Variants in TPO observed in about 807,000 individuals in gnomAD.
TPO encodes thyroid peroxidase.
Under a neutral mutation model 96.9 loss-of-function variants are expected in TPO, and 78 were observed. The ratio of observed to expected loss-of-function variants is 0.81; its 90% CI spans 0.67 to 0.97. The LOEUF (loss-of-function observed/expected upper bound fraction) is 0.97, where lower values mean the gene tolerates loss of function less well. Ranked by LOEUF, TPO falls within the 50% of genes least tolerant of loss-of-function variation. The pLI, the probability that TPO is intolerant of heterozygous loss-of-function variation, is 0.00. For missense variants in TPO, 1,252 were observed against 1,274.8 expected, an observed-to-expected ratio of 0.98 and a Z score of 0.27; for synonymous variants, 547 against 538.0, an observed-to-expected ratio of 1.02 and a Z score of -0.23.
In TPO at chr2:1,468,228, A is replaced by G. The variant is rs182644292; in HGVS notation, c.820-8858A>G. Among the ~76,000 whole-genome samples the G allele has an allele frequency of 1.4e-3, 208 of 151,816 alleles. 1 individual carries two copies. Among genetic ancestry groups the G allele is most frequent in the African/African-American group, 5.0e-3 (206 of 41,410 alleles). On this transcript the variant is annotated intron_variant, in intron 7 of 16. Coordinates refer to ENST00000329066, the MANE Select transcript of TPO (RefSeq NM_001206744.2). ...GAGGTATCATTCCATTCATTGTGCT[A>G]TTTGTTGCCTGTACCCCTTGGGTTT...
chr2:1,383,934 A>G (rs932962865), intron 1 of TPO, among the ~76,000 whole-genome samples: 1 of 152,284 alleles, frequency 6.6e-6, no homozygotes, highest in East Asian at 1.9e-4. Context: ...CTTTCTACAT[A>G]TGGCTAGCCA....
rs573067343 is a variant in TPO at position 1,486,962 on chromosome 2, C to T, written c.1598-859C>T. ...TCATCCCACACAGGACGATGCATGT[C>T]GTGATTTCTAAGTCTTCCTTTTGGG... On this transcript the variant is annotated intron_variant, in intron 9 of 16. Transcript: ENST00000329066. Among the ~76,000 whole-genome samples, 19 of 152,342 alleles carry T rather than the reference C, an allele frequency of 1.2e-4. No homozygotes were observed. In the South Asian group the frequency reaches 2.1e-3, roughly 17 times the overall value.
intron 1 of TPO, among the ~76,000 whole-genome samples, chr2:1,395,635 A>G (rs1226922061): frequency 6.6e-6 from 1 of 152,148 alleles, no homozygotes. Flanking sequence ...CCCACATTTC[A>G]TCTTGAATTG....
intron 15 of TPO, among the ~76,000 whole-genome samples, chr2:1,536,598 G>C (rs868537858): frequency 3.1e-4 from 13 of 41,528 alleles, no homozygotes; most frequent in African/African-American, 1.5e-3. Flanking sequence ...CCCACTGTGT[G>C]CATTCTCCTC....
intron 10 of TPO, among the ~76,000 whole-genome samples, chr2:1,489,245 T>TAGCACATACCC (rs1323168488): frequency 2.0e-4 from 24 of 119,202 alleles, no homozygotes; most frequent in Admixed American, 3.4e-4. Flanking sequence ...AGCACATGCC[T>TAGCACATACCC]AGCACATACC....
intron 5 of TPO, among the ~76,000 whole-genome samples, chr2:1,448,409 G>A (rs550142276): frequency 9.2e-5 from 14 of 152,208 alleles, no homozygotes; most frequent in African/African-American, 2.6e-4. Flanking sequence ...TCCCTTCCCC[G>A]CCTGAGTCAC....
At chr2:1,422,068 A>C (rs1663608484) in intron 2 of TPO, among the ~76,000 whole-genome samples, 2 of 152,036 alleles carry the variant, frequency 1.3e-5, no homozygotes, top group African/African-American at 4.8e-5. Context: ...CTGAGGGGTC[A>C]CCCTCTGCCC....
intron 1 of TPO, among the ~76,000 whole-genome samples, chr2:1,389,513 A>T (rs2148355678): frequency 6.6e-6 from 1 of 152,168 alleles, no homozygotes; most frequent in East Asian, 1.9e-4. Flanking sequence ...TACTTTCCTC[A>T]TCAGATTGTT....
rs1272834232 is a variant in TPO at position 1,512,532 on chromosome 2, C to T, written c.2519-4351C>T. ...TGCTTGCATGGTGCTGTCCCTGCCC[C>T]GCTCCGCCCCTGCTGGGCTCCTGGC... On this transcript the variant is annotated intron_variant, in intron 14 of 16. Coordinates refer to ENST00000329066, the MANE Select transcript of TPO (RefSeq NM_001206744.2). 21 of 951,742 alleles carry T rather than the reference C, an allele frequency of 2.2e-5. No individual in the cohort carries two copies. In the East Asian group the frequency reaches 3.5e-4, roughly 16 times the overall value. The allele number at this position is 951,742 out of a possible 1,614,324, so 59.0% of individuals were successfully genotyped here. A position where few individuals can be genotyped will look rare whatever the true frequency, so the allele number is the denominator to read the frequency against.
intron 2 of TPO, among the ~76,000 whole-genome samples, chr2:1,421,496 A>G (rs1663522922): frequency 6.6e-6 from 1 of 152,150 alleles, no homozygotes; most frequent in East Asian, 1.9e-4. Context: ...TCTGCCACTT[A>G]AGAATGCCGG....
At chr2:1,476,228 G>T (rs1047139241) in intron 7 of TPO, among the ~76,000 whole-genome samples, 1 of 152,120 alleles carries the variant, frequency 6.6e-6, no homozygotes, top group African/African-American at 2.4e-5. Context: ...GTCCAACCCC[G>T]GTGATCTTGT....
At position 1,385,822 on chromosome 2, in the gene TPO, A is replaced by T. The variant is rs565875748; in HGVS notation, n.180+11420A>T. On this transcript the variant is annotated intron_variant and non_coding_transcript_variant, in intron 1 of 5. Coordinates refer to the TPO transcript ENST00000497517. Reference sequence around the variant, plus strand: ...TGTGATGTTAGGGTGTCAATTTTAGATCTTTCCTGCTTTCTCTTGTGGGCA... The same window carrying T: ...TGTGATGTTAGGGTGTCAATTTTAGTTCTTTCCTGCTTTCTCTTGTGGGCA... Among the ~76,000 whole-genome samples the T allele has an allele frequency of 3.4e-3, 511 of 151,978 alleles. 2 individuals carry two copies. The highest frequency in any genetic ancestry group is 5.5e-3 in the Non-Finnish European group (377 of 67,960).
intron 2 of TPO, 37 bp downstream of exon 2, chr2:1,414,539 A>G: frequency 1.3e-6 from 2 of 1,597,008 alleles, no homozygotes; most frequent in Non-Finnish European, 1.7e-6. Context: ...CTGGCCTTAT[A>G]AAGTTATTTT....
At chr2:1,477,860 G>T in intron 8 of TPO, 1 of 985,398 alleles carries the variant, frequency 1.0e-6, no homozygotes. Context: ...CGGCCCTCCG[G>T]GGCCCCTCTG....
At chr2:1,408,635 T>C (rs1449298373), upstream of TPO, among the ~76,000 whole-genome samples, 1 of 152,178 alleles carries the variant, frequency 6.6e-6, no homozygotes, top group Non-Finnish European at 1.5e-5. Flanking sequence ...CTGCCTGCAA[T>C]AGCAGAGGCG....
In TPO at chr2:1,413,544, A is replaced by C. The variant is rs1363332465; in HGVS notation, c.-3A>C. 2.2e-6 allele frequency: 1 copy of C among 461,304 alleles called. No homozygotes were observed. The highest frequency in any genetic ancestry group is 1.5e-4 in the East Asian group (1 of 6,554). 28.6% of individuals were successfully genotyped at this position (461,304 alleles called of 1,614,324 possible). On this transcript the variant is annotated splice_region_variant and 5_prime_UTR_variant, in exon 1 of 17. Transcript: ENST00000329066. The stretch of plus-strand genomic sequence containing the variant: ...TGCAGTTGGCTGAGAAGAGGAAAAA[A>C]GGTCAGGTTGTAAAGCTTTTTATTT...
chr2:1,527,308 C>T (rs541571473), intron 15 of TPO, among the ~76,000 whole-genome samples: 6 of 143,456 alleles, frequency 4.2e-5, no homozygotes, highest in African/African-American at 1.6e-4. Flanking sequence ...GTAACCTCCC[C>T]AAATCCCCTC....
chr2:1,396,044 A>AATCCAGATGC (rs1248333214), intron 1 of TPO, among the ~76,000 whole-genome samples: 1 of 152,214 alleles, frequency 6.6e-6, no homozygotes, highest in Non-Finnish European at 1.5e-5. Context: ...ATTCCTACAT[A>AATCCAGATGC]ATCCAGATGC....
rs1265969207 is a variant in TPO, at chr2:1,495,995, G to A, written c.2013G>A (p.Trp671Ter). ...ACTGTCTCCTTCTCTGGAGGTTTTG[G>A]TGGGAGAACAGCCACGTCTTCACGG... ...MKALRDGDWF[W>*]WENSHVFTDA... Residue 671 changes from tryptophan to a stop codon, truncating the protein, a stop_gained, in exon 12 of 17, where the codon TGG (tryptophan) becomes TGA (stop). Transcript: ENST00000329066. LOFTEE classifies it high-confidence loss of function. 6.2e-7 allele frequency: 1 copy of A among 1,612,504 alleles called. No individual in the cohort carries two copies. Among genetic ancestry groups the A allele is most frequent in the Non-Finnish European group, 8.5e-7 (1 of 1,179,942 alleles).
Sources: allele counts gnomAD v4.1 joint callset (sites outside exome capture counted in the v4.1 genomes callset), GRCh38; gene constraint gnomAD v4.1.1; transcripts MANE v1.5; gene names NCBI Gene and HGNC (gene_info 2026-07-23, HGNC 2026-07-21).